ARHGEF10: variants seen among roughly 807,000 people sequenced by gnomAD.
The protein encoded by ARHGEF10 is Rho guanine nucleotide exchange factor (GEF) 10.
A neutral mutation model predicts 147.4 loss-of-function variants in ARHGEF10; 140 were observed. That is an observed-to-expected ratio of 0.95 (90% CI 0.83 to 1.09). The LOEUF (loss-of-function observed/expected upper bound fraction) is 1.09, where lower values mean the gene tolerates loss of function less well. Ranked by LOEUF, ARHGEF10 falls within the 50% of genes least tolerant of loss-of-function variation. The probability of loss-of-function intolerance (pLI) is 0.00; values close to 1 mark genes in which losing one functional copy is unlikely to be tolerated. For synonymous variants in ARHGEF10, 902 were observed against 695.8 expected, an observed-to-expected ratio of 1.30 and a Z score of -4.67; for missense variants, 2,222 against 1,752.7, an observed-to-expected ratio of 1.27 and a Z score of -4.78.
chr8:1,858,073 G>T lies in ARHGEF10; in HGVS notation c.151G>T (p.Glu51Ter). Residue 51 changes from glutamate to a stop codon, truncating the protein, a stop_gained, in exon 3 of 29, where the codon GAG (glutamate) becomes TAG (stop). Transcript: ENST00000349830. LOFTEE classifies it high-confidence loss of function. ...GGACAGACAGGCCCCATCCGCCCCT[G>T]AGACAGGAGGTGCTGGAGCCAGTGA... ...EADRQAPSAPETGGAGASEAP... is the reference protein window; with the variant it reads ...EADRQAPSAP 1.9e-6 allele frequency: 3 copies of T among 1,613,616 alleles called. No homozygotes were observed. Among genetic ancestry groups the T allele is most frequent in the Non-Finnish European group, 2.5e-6 (3 of 1,179,876 alleles).
At chr8:1,843,503 C>A in intron 2 of ARHGEF10, 67 bp downstream of exon 2, 1 of 1,220,358 alleles carries the variant, frequency 8.2e-7, no homozygotes, top group African/African-American at 1.5e-5. Flanking sequence ...GGACGGGGTA[C>A]TTCTGGAACC....
At chr8:1,880,773 A>T (rs1309791572) in intron 9 of ARHGEF10, among the ~76,000 whole-genome samples, 1 of 152,146 alleles carries the variant, frequency 6.6e-6, no homozygotes, top group Admixed American at 6.5e-5. Flanking sequence ...GTTTCCTGCA[A>T]TTGGACCTTT....
chr8:1,907,767 G>T (rs1049097877), intron 17 of ARHGEF10, among the ~76,000 whole-genome samples: 2 of 152,192 alleles, frequency 1.3e-5, no homozygotes, highest in African/African-American at 4.8e-5. Flanking sequence ...GTGCAGTGGT[G>T]AGTCGCAATT....
At chr8:1,904,478 ATT>A (rs1205938990) in intron 16 of ARHGEF10, among the ~76,000 whole-genome samples, 1 of 152,174 alleles carries the variant, frequency 6.6e-6, no homozygotes, top group Non-Finnish European at 1.5e-5. Context: ...TAAGCCACAT[ATT>A]TTCCCCATTT....
chr8:1,956,899 C>G lies in ARHGEF10; in HGVS notation c.3671C>G (p.Pro1224Arg), dbSNP rs749312151. 2.5e-6 allele frequency: 4 copies of G among 1,614,048 alleles called. No individual in the cohort carries two copies. The highest frequency in any genetic ancestry group is 3.4e-6 in the Non-Finnish European group (4 of 1,179,960). Residue 1224 changes from proline (P) to arginine (R), a missense_variant, in exon 29 of 29, where the codon CCG becomes CGG. Pro to Arg is a moderately radical substitution (Grantham distance 103, BLOSUM62 -2). Coordinates refer to ENST00000349830, the MANE Select transcript of ARHGEF10 (RefSeq NM_014629.4). ...PQDEDQKDAL[P>R]SGGAGSSLSQ... ...GACGAAGACCAGAAGGACGCACTTC[C>G]GAGTGGAGGAGCTGGTTCATCTCTG...
intron 22 of ARHGEF10, among the ~76,000 whole-genome samples, chr8:1,925,721 G>C (rs942883244): frequency 6.6e-6 from 1 of 152,144 alleles, no homozygotes; most frequent in South Asian, 2.1e-4. Context: ...TTTTGCCTTT[G>C]CTTGGCAAGC....
In ARHGEF10 at chr8:1,866,483, GC is replaced by G. The variant is rs567428345; in HGVS notation, c.546-42del. 4.1e-4 allele frequency: 652 copies of G among 1,592,384 alleles called. 9 individuals carry two copies. The African/African-American group carries it at 7.8e-3, about 19-fold the overall frequency. On this transcript the variant is annotated intron_variant, in intron 5 of 28. Coordinates refer to ENST00000349830, the MANE Select transcript of ARHGEF10 (RefSeq NM_014629.4). ...GGCAGTTGGCATCCTAGTGACTTGG[GC>G]TGTGCCTGGATATTCTGACTTTATG...
intron 1 of ARHGEF10, among the ~76,000 whole-genome samples, chr8:1,841,544 C>T (rs6991729): frequency 0.015 from 2,222 of 152,190 alleles, 64 homozygotes; most frequent in African/African-American, 0.05. Flanking sequence ...TCCCAGCTAC[C>T]GGGGGCCACA....
chr8:1,859,906 A>G lies in ARHGEF10; in HGVS notation c.203A>G (p.Asp68Gly). Reference protein sequence around the residue: ...SEAPAPTGGEDGAGAETTPVA... With the variant: ...SEAPAPTGGEGGAGAETTPVA... ...CTTTCTGCATCCCCAGGAGGTGAGG[A>G]TGGAGCTGGAGCAGAAACCACCCCA... The change falls in exon 4 of 29, where the codon GAT becomes GGT. Residue 68 changes from aspartate to glycine, a missense_variant. By Grantham distance (94) the Asp-to-Gly change is moderately conservative (BLOSUM62 -1). Coordinates refer to ENST00000349830, the MANE Select transcript of ARHGEF10 (RefSeq NM_014629.4). The G allele has an allele frequency of 2.5e-6, 4 of 1,614,044 alleles. No homozygotes were observed. Among genetic ancestry groups the G allele is most frequent in the East Asian group, 2.2e-5 (1 of 44,864 alleles).
chr8:1,884,361 A>C (rs561263250), intron 10 of ARHGEF10, among the ~76,000 whole-genome samples: 1 of 150,270 alleles, frequency 6.7e-6, no homozygotes, highest in Admixed American at 6.7e-5. Context: ...GCGCCACTGC[A>C]CTCCAGCCTG....
In ARHGEF10 at chr8:1,905,636, C is replaced by G. The variant is rs759210133; in HGVS notation, c.1887C>G (p.Asp629Glu). 17 of 1,614,050 alleles carry G rather than the reference C, an allele frequency of 1.1e-5. No individual in the cohort carries two copies. Among genetic ancestry groups the G allele is most frequent in the Non-Finnish European group, 3.4e-6 (4 of 1,180,026 alleles). Reference sequence around the variant, plus strand: ...ATATGATAGAAACAGTTTACAACGACAGAGGAGAGATTGTTAAAACCAAAG... The same window carrying G: ...ATATGATAGAAACAGTTTACAACGAGAGAGGAGAGATTGTTAAAACCAAAG... ...SDDMIETVYN[D>E]RGEIVKTKER... The change falls in exon 17 of 29, where the codon GAC becomes GAG. Residue 629 changes from aspartate (D) to glutamate (E), a missense_variant. Transcript: ENST00000349830.
chr8:1,935,616 C>T (rs1335081964), intron 26 of ARHGEF10, among the ~76,000 whole-genome samples: 1 of 152,196 alleles, frequency 6.6e-6, no homozygotes, highest in Non-Finnish European at 1.5e-5. Flanking sequence ...CACCTGTTAC[C>T]AGTTAGCACT....
intron 26 of ARHGEF10, among the ~76,000 whole-genome samples, chr8:1,938,354 G>C (rs530182154): frequency 6.6e-6 from 1 of 152,302 alleles, no homozygotes; most frequent in South Asian, 2.1e-4. Context: ...GTCACAGCTA[G>C]TTTCAGTGGA....
At chr8:1,950,157 C>T (rs887165219) in intron 27 of ARHGEF10, among the ~76,000 whole-genome samples, 5 of 152,212 alleles carry the variant, frequency 3.3e-5, no homozygotes, top group Admixed American at 6.5e-5. Context: ...TTCACCACCT[C>T]AGCTGCCCCT....
At position 1,826,698 on chromosome 8, in the gene ARHGEF10, G is replaced by A. The variant is rs112596473; in HGVS notation, c.-48+2585G>A. Among the ~76,000 whole-genome samples, 1,159 of 152,308 alleles carry A rather than the reference G, an allele frequency of 7.6e-3. 21 individuals carry two copies. The highest frequency in any genetic ancestry group is 0.027 in the African/African-American group (1,119 of 41,552). ...TGTATTCTGTAAGCGATGTGAAAAC[G>A]TCATAGTGAGATGTAAGAAAGCGCT... On this transcript the variant is annotated intron_variant, in intron 1 of 28. Coordinates refer to ENST00000349830, the MANE Select transcript of ARHGEF10 (RefSeq NM_014629.4).
rs1563233503 is a variant in ARHGEF10, at chr8:1,888,134, C to CT, written c.1182+2427_1182+2428insT. Among the ~76,000 whole-genome samples the CT allele has an allele frequency of 7.7e-4, 53 of 68,584 alleles. 9 individuals are homozygous for CT. The highest frequency in any genetic ancestry group is 0.013 in the Middle Eastern group (1 of 76). 45.0% of individuals were successfully genotyped at this position (68,584 alleles called of 152,430 possible). On this transcript the variant is annotated intron_variant, in intron 11 of 28. Transcript: ENST00000349830. Reference sequence around the variant, plus strand: ...AGACACTTAGTGGGGTGAGGGTTTGCGAGGAGACACTTAGTGGGGCGAGGG... The same window carrying CT: ...AGACACTTAGTGGGGTGAGGGTTTGCTGAGGAGACACTTAGTGGGGCGAGGG...
chr8:1,836,039 G>A (rs1441921718), intron 1 of ARHGEF10, among the ~76,000 whole-genome samples: 1 of 151,836 alleles, frequency 6.6e-6, no homozygotes, highest in South Asian at 2.1e-4. Context: ...AAATTAGCCA[G>A]GCGTGGTGGC....
At chr8:1,840,081 G>T (rs1402086777) in intron 1 of ARHGEF10, among the ~76,000 whole-genome samples, 2 of 130,644 alleles carry the variant, frequency 1.5e-5, no homozygotes, top group Non-Finnish European at 3.2e-5. Context: ...AAGCTGTCTG[G>T]TGTGGGGACT....
At chr8:1,823,458 G>T (rs976953088), upstream of ARHGEF10, among the ~76,000 whole-genome samples, 3 of 151,974 alleles carry the variant, frequency 2.0e-5, no homozygotes, top group Non-Finnish European at 4.4e-5. Context: ...CTGGGGGGGG[G>T]AGCGTCTGCC....
Sources: allele counts gnomAD v4.1 joint callset (sites outside exome capture counted in the v4.1 genomes callset), GRCh38; gene constraint gnomAD v4.1.1; transcripts MANE v1.5; gene names NCBI Gene and HGNC (gene_info 2026-07-23, HGNC 2026-07-21).